RBFOX3: variants seen among roughly 807,000 people sequenced by gnomAD.
RBFOX3 encodes the protein RNA binding protein fox-1 homolog 3.
Under a neutral mutation model 48.7 loss-of-function variants are expected in RBFOX3, and 17 were observed. That is an observed-to-expected ratio of 0.35 (90% confidence interval 0.24 to 0.52). RBFOX3 has a LOEUF of 0.52. Ranked by LOEUF, RBFOX3 falls within the 20% of genes least tolerant of loss-of-function variation. The probability of loss-of-function intolerance (pLI) is 0.94; values close to 1 mark genes in which losing one functional copy is unlikely to be tolerated. For missense variants in RBFOX3, 382 were observed against 497.5 expected, an observed-to-expected ratio of 0.77 and a Z score of 2.21; for synonymous variants, 212 against 209.5, an observed-to-expected ratio of 1.01 and a Z score of -0.10.
the RBFOX3 span, among the ~76,000 whole-genome samples, chr17:79,620,452 TGC>T: frequency 3.7e-5 from 4 of 108,808 alleles, no homozygotes; most frequent in African/African-American, 1.0e-4. Flanking sequence ...CATGCACACA[TGC>T]GCACACACAT....
Position 79,403,385 on chromosome 17 carries a change from A to G in RBFOX3, c.-175+79069T>C, listed in dbSNP as rs115177635. The stretch of plus-strand genomic sequence containing the variant: ...TGCAAATTAGAGACGGGCAGCTCCC[A>G]TGGGGGGTTCAGGCTCCTGTGGATG... On this transcript the variant is annotated intron_variant, in intron 2 of 14. Transcript: ENST00000693108. 5.2e-3 allele frequency among the ~76,000 whole-genome samples: 796 copies of G among 152,316 alleles called. 11 individuals are homozygous for G. The highest frequency in any genetic ancestry group is 0.018 in the African/African-American group (756 of 41,584).
chr17:79,115,371 G>C (rs950339322), intron 5 of RBFOX3, 123 bp downstream of exon 5: 23 of 531,300 alleles, frequency 4.3e-5, no homozygotes, highest in African/African-American at 5.9e-5. Flanking sequence ...TCCACACACA[G>C]AGGCCCTGCC....
At chr17:79,322,736 T>C (rs1021893821) in intron 2 of RBFOX3, among the ~76,000 whole-genome samples, 5 of 152,058 alleles carry the variant, frequency 3.3e-5, no homozygotes, top group African/African-American at 1.2e-4. Flanking sequence ...GGCCTGTGTG[T>C]TCATATATGC....
At chr17:79,616,392 C>T in the RBFOX3 span, among the ~76,000 whole-genome samples, 3 of 151,942 alleles carry the variant, frequency 2.0e-5, no homozygotes, top group Admixed American at 6.6e-5. Context: ...AAAAATTAGC[C>T]GGGCGAAGTG....
chr17:79,122,000 G>A (rs934595066), intron 4 of RBFOX3, among the ~76,000 whole-genome samples: 6 of 152,106 alleles, frequency 3.9e-5, no homozygotes, highest in South Asian at 2.1e-4. Flanking sequence ...GACCTCCTCC[G>A]CATTGCCCCC....
chr17:79,545,863 C>T (rs1328746472), intron 1 of RBFOX3, among the ~76,000 whole-genome samples: 1 of 152,224 alleles, frequency 6.6e-6, no homozygotes, highest in African/African-American at 2.4e-5. Context: ...TCGGCTCACT[C>T]CATTTCTTTG....
chr17:79,485,978 G>C (rs1328913205), intron 1 of RBFOX3, among the ~76,000 whole-genome samples: 2 of 152,274 alleles, frequency 1.3e-5, no homozygotes, highest in Non-Finnish European at 2.9e-5. Context: ...ATCATCCATA[G>C]CGCAGAACAC....
At chr17:79,340,714 C>T (rs1046652207) in intron 2 of RBFOX3, among the ~76,000 whole-genome samples, 4 of 151,288 alleles carry the variant, frequency 2.6e-5, no homozygotes, top group Admixed American at 6.6e-5. Context: ...TGACTTCATC[C>T]GATGAATGAA....
chr17:79,538,762 T>C (rs1555789399), intron 1 of RBFOX3, among the ~76,000 whole-genome samples: 2 of 152,146 alleles, frequency 1.3e-5, no homozygotes, highest in African/African-American at 4.8e-5. Context: ...GAGGCCACCA[T>C]TGTGAGCTCA....
intron 3 of RBFOX3, among the ~76,000 whole-genome samples, chr17:79,278,042 C>T (rs1332070192): frequency 6.6e-6 from 1 of 152,194 alleles, no homozygotes; most frequent in Non-Finnish European, 1.5e-5. Flanking sequence ...AAGTGTGGCT[C>T]ACTCTGCAAA....
chr17:79,198,017 GA>G lies in RBFOX3; in HGVS notation c.-34+37748del, dbSNP rs1401391272. Among the ~76,000 whole-genome samples, 20 of 152,256 alleles carry G rather than the reference GA, an allele frequency of 1.3e-4. 1 individual carries two copies. The highest frequency in any genetic ancestry group is 4.1e-4 in the African/African-American group (17 of 41,538). On this transcript the variant is annotated intron_variant, in intron 4 of 14. Transcript: ENST00000693108. This position sits in a 1 kb window ranked among gnomAD's most constrained non-coding sequence, Gnocchi z 8.2. ...GTGCTTCTGATTTCCTAAGCATGCC[GA>G]GTGAATCCATCCCGAGTGCCTCTGT...
chr17:79,385,966 C>T (rs937140861), intron 2 of RBFOX3, among the ~76,000 whole-genome samples: 1 of 111,026 alleles, frequency 9.0e-6, no homozygotes, highest in Non-Finnish European at 1.9e-5. Context: ...ACCTCCCACA[C>T]CAGATGGGGG....
At chr17:79,143,197 G>A (rs1037974185) in intron 4 of RBFOX3, among the ~76,000 whole-genome samples, 4 of 152,166 alleles carry the variant, frequency 2.6e-5, no homozygotes, top group African/African-American at 4.8e-5. Flanking sequence ...GCATCTGACC[G>A]TGGCGACTAG....
intron 4 of RBFOX3, among the ~76,000 whole-genome samples, chr17:79,130,606 G>A (rs1262236262): frequency 2.0e-5 from 3 of 152,238 alleles, no homozygotes; most frequent in Admixed American, 6.5e-5. Context: ...GAGGGCAGGC[G>A]GTCCAGCAGG....
rs931624047 is a variant in RBFOX3, at chr17:79,582,096, G to A, written c.-320+28730C>T. On this transcript the variant is annotated intron_variant, in intron 1 of 14. Coordinates refer to ENST00000693108, the MANE Select transcript of RBFOX3 (RefSeq NM_001350451.2). ...TGTGCGTGCCTGTGTATGCAAGCAC[G>A]TGCCTGCCCGTGTATGTGCCTGTGC... Among the ~76,000 whole-genome samples the A allele has an allele frequency of 3.6e-4, 54 of 151,212 alleles. 3 individuals carry two copies. In the South Asian group the frequency reaches 0.011, roughly 32 times the overall value.
chr17:79,315,534 C>T (rs2077419500), intron 2 of RBFOX3, among the ~76,000 whole-genome samples: 1 of 152,216 alleles, frequency 6.6e-6, no homozygotes, highest in Admixed American at 6.5e-5. Context: ...CAGGCCGCGC[C>T]TTCACACTTG....
rs147237580 is a variant in RBFOX3, at chr17:79,206,246, T to C, written c.-34+29520A>G. The stretch of plus-strand genomic sequence containing the variant: ...GGGGCACAGAACTTGGTGGCCTCTT[T>C]GGATGCTGGAGGCAGCAAATATTCC... On this transcript the variant is annotated intron_variant, in intron 4 of 14. Transcript: ENST00000693108. Among the ~76,000 whole-genome samples the C allele has an allele frequency of 5.0e-3, 758 of 152,240 alleles. 3 individuals carry two copies. Among genetic ancestry groups the C allele is most frequent in the Middle Eastern group, 0.02 (6 of 294 alleles).
At chr17:79,374,578 C>T (rs993875897) in intron 2 of RBFOX3, among the ~76,000 whole-genome samples, 1 of 152,212 alleles carries the variant, frequency 6.6e-6, no homozygotes, top group Non-Finnish European at 1.5e-5. Flanking sequence ...TGAGAAAATG[C>T]GAGAGCTGGC....
At chr17:79,371,171 G>C (rs55815157) in intron 2 of RBFOX3, among the ~76,000 whole-genome samples, 18,857 of 152,238 alleles carry the variant, frequency 0.12, 1,526 homozygotes, top group East Asian at 0.27. Context: ...TTCACTGAGG[G>C]ACCATGGCGA....
Sources: allele counts gnomAD v4.1 joint callset (sites outside exome capture counted in the v4.1 genomes callset), GRCh38; gene constraint gnomAD v4.1.1; non-coding constraint Gnocchi (gnomAD v3.1); transcripts MANE v1.5; gene names NCBI Gene and HGNC (gene_info 2026-07-23, HGNC 2026-07-21).